The following DCAF8 variants were observed in gnomAD, a reference collection of about 807,000 sequenced individuals.
DCAF8 encodes DDB1 and CUL4 associated factor 8, also known as DDB1- and CUL4-associated factor 8.
DCAF8 carries 20 observed loss-of-function variants against 68.0 expected under a neutral mutation model. The ratio of observed to expected loss-of-function variants is 0.29; its 90% CI spans 0.21 to 0.43. The LOEUF (loss-of-function observed/expected upper bound fraction) is 0.43. Ranked by LOEUF, DCAF8 falls within the 20% of genes least tolerant of loss-of-function variation. The pLI, the probability that DCAF8 is intolerant of heterozygous loss-of-function variation, is 1.00. For synonymous variants in DCAF8, 230 were observed against 276.9 expected (o/e 0.83, Z 1.68); for missense variants, 460 against 771.0 (o/e 0.60, Z 4.78).
chr1:160,224,649 C>G, intron 9 of DCAF8, 100 bp from the exon 10 acceptor site: 1 of 849,968 alleles, frequency 1.2e-6, no homozygotes, highest in East Asian at 2.5e-5. Flanking sequence ...AGTGCCCCCT[C>G]CAAATACCCA....
intron 7 of DCAF8, among the ~76,000 whole-genome samples, chr1:160,226,739 T>C (rs928266544): frequency 1.3e-5 from 2 of 152,226 alleles, no homozygotes; most frequent in Non-Finnish European, 2.9e-5. Flanking sequence ...ACAATCAACA[T>C]TCAATATTTC....
intron 2 of DCAF8, among the ~76,000 whole-genome samples, chr1:160,250,494 A>C (rs1413650872): frequency 6.7e-6 from 1 of 149,792 alleles, no homozygotes; most frequent in African/African-American, 2.4e-5. Flanking sequence ...AAACAGGATG[A>C]GAGAAGAGTG....
chr1:160,219,432 A>C (rs1655228013), intron 11 of DCAF8: 1 of 154,316 alleles, frequency 6.5e-6, no homozygotes, highest in Non-Finnish European at 1.4e-5. Flanking sequence ...GAAGAGTCGG[A>C]GAACTATATT....
Position 160,256,270 on chromosome 1 carries a change from C to A in DCAF8, c.-27+5015G>T, listed in dbSNP as rs1571116123. ...TTACATTTACATCAGAAGTCTGTTG[C>A]CATTAACAGTTTTTGCCATTTATAT... On this transcript the variant is annotated intron_variant, in intron 2 of 13. Coordinates refer to ENST00000368074, the MANE Select transcript of DCAF8 (RefSeq NM_015726.4). Among the ~76,000 whole-genome samples the A allele has an allele frequency of 2.0e-5, 3 of 152,080 alleles. No individual in the cohort carries two copies. The East Asian group carries it at 5.8e-4, about 29-fold the overall frequency.
chr1:160,228,399 G>A (rs1044711988), intron 7 of DCAF8, among the ~76,000 whole-genome samples: 13 of 152,172 alleles, frequency 8.5e-5, no homozygotes, highest in Admixed American at 3.9e-4. Context: ...GGGGAATGAA[G>A]AGATGATTTA....
chr1:160,218,948 G>A lies in DCAF8; in HGVS notation c.1461C>T (p.His487=), dbSNP rs1158467329. 4 of 1,614,114 alleles carry A rather than the reference G, an allele frequency of 2.5e-6. No homozygotes were observed. The African/African-American group carries it at 5.3e-5, about 22-fold the overall frequency. ...TGGTTGCCAGCACAGGCAGGTGAGGGTGGGGCTCAAGACAGTTTACCTGGT... is the reference window on the plus strand; with the variant it reads ...TGGTTGCCAGCACAGGCAGGTGAGGATGGGGCTCAAGACAGTTTACCTGGT... The part of the protein sequence containing the change: ...KGGVVNCLEP[H]PHLPVLATSG... The change falls in exon 12 of 14, where the codon CAC becomes CAT. Residue 487 remains histidine, a synonymous_variant. Transcript: ENST00000368074.
chr1:160,217,755 G>T, intron 13 of DCAF8, 47 bp from the exon 14 acceptor site: 1 of 1,494,316 alleles, frequency 6.7e-7, no homozygotes, highest in Non-Finnish European at 9.3e-7. Context: ...ATGGAACAAG[G>T]ACAAGCCTGT....
rs1657148612 is a variant in DCAF8 at position 160,262,486 on chromosome 1, C to T, written c.-138G>A. On this transcript the variant is annotated 5_prime_UTR_variant, in exon 1 of 14. Coordinates refer to ENST00000368074, the MANE Select transcript of DCAF8 (RefSeq NM_015726.4). ...CCGCCACCACCACCGCCTCCGCTCT[C>T]TGCGCTTGCGCCTGCGCTGCCACGC... 2.5e-6 allele frequency: 1 copy of T among 400,532 alleles called. No individual in the cohort carries two copies. The allele number at this position is 400,532 out of a possible 1,614,324, so 24.8% of individuals were successfully genotyped here.
At chr1:160,232,305 A>C (rs745596263) in intron 6 of DCAF8, among the ~76,000 whole-genome samples, 2 of 151,972 alleles carry the variant, frequency 1.3e-5, no homozygotes, top group Non-Finnish European at 2.9e-5. Context: ...CTAGGAGCTC[A>C]AGATCACCCT....
intron 6 of DCAF8, among the ~76,000 whole-genome samples, chr1:160,234,052 G>C (rs1655784439): frequency 6.6e-6 from 1 of 152,066 alleles, no homozygotes; most frequent in South Asian, 2.1e-4. Context: ...CTGGCTAAAG[G>C]AATATTCCAT....
chr1:160,236,246 C>T (rs972838150), intron 6 of DCAF8, among the ~76,000 whole-genome samples: 1 of 146,768 alleles, frequency 6.8e-6, no homozygotes, highest in Non-Finnish European at 1.5e-5. Context: ...AAACATTATG[C>T]TGAGGCATCA....
intron 2 of DCAF8, among the ~76,000 whole-genome samples, chr1:160,255,423 CA>C (rs1656798176): frequency 6.6e-6 from 1 of 152,144 alleles, no homozygotes; most frequent in African/African-American, 2.4e-5. Flanking sequence ...TATGTACCAC[CA>C]CACCTGGCCT....
At chr1:160,258,748 T>G (rs1656941356) in intron 2 of DCAF8, among the ~76,000 whole-genome samples, 1 of 45,078 alleles carries the variant, frequency 2.2e-5, no homozygotes, top group Non-Finnish European at 4.1e-5. Flanking sequence ...AGACCCTATC[T>G]CTACAAAAAT....
chr1:160,218,451 A>C lies in DCAF8; in HGVS notation c.1561-11T>G, dbSNP rs752937031. 1 of 1,610,558 alleles carries C rather than the reference A, an allele frequency of 6.2e-7. No homozygotes were observed. The highest frequency in any genetic ancestry group is 1.7e-5 in the Admixed American group (1 of 59,986). On this transcript the variant is annotated splice_polypyrimidine_tract_variant and intron_variant, in intron 12 of 13. Coordinates refer to ENST00000368074, the MANE Select transcript of DCAF8 (RefSeq NM_015726.4). ...GTTCTTCTTAATCACCTGGAACCCA[A>C]AAAGGTTGGGAAGAGGGGGCAGCAA...
chr1:160,230,228 T>C (rs965625307), intron 7 of DCAF8, among the ~76,000 whole-genome samples: 1 of 152,180 alleles, frequency 6.6e-6, no homozygotes, highest in Non-Finnish European at 1.5e-5. Context: ...AATATAGCTA[T>C]AAAATGTGCT....
At position 160,238,626 on chromosome 1, in the gene DCAF8, T is replaced by A. The variant is rs1481515395; in HGVS notation, c.845A>T (p.His282Leu). 6.2e-7 allele frequency: 1 copy of A among 1,611,082 alleles called. No individual in the cohort carries two copies. Among genetic ancestry groups the A allele is most frequent in the Non-Finnish European group, 8.5e-7 (1 of 1,178,962 alleles). The part of the protein sequence containing the change: ...CCKNTKRVAQ[H>L]KGASHKLALE... ...ACTTACCTTGTGGGACGCTCCCTTG[T>A]GCTGGGCCACACGTTTTGTATTCTT... Residue 282 changes from histidine (H) to leucine (L), a missense_variant, in exon 5 of 14, where the codon CAC becomes CTC. Physicochemically the swap from His to Leu is moderately conservative, Grantham distance 99 (BLOSUM62 -3). Coordinates refer to ENST00000368074, the MANE Select transcript of DCAF8 (RefSeq NM_015726.4).
At chr1:160,230,992 T>C (rs1435188332) in intron 7 of DCAF8, among the ~76,000 whole-genome samples, 1 of 151,628 alleles carries the variant, frequency 6.6e-6, no homozygotes, top group African/African-American at 2.4e-5. Flanking sequence ...TGTCCTTAGG[T>C]GATCCACCCG....
At position 160,240,125 on chromosome 1, in the gene DCAF8, A is replaced by G. The variant is rs1315214708; in HGVS notation, c.295T>C (p.Ser99Pro). Residue 99 changes from serine to proline, a missense_variant, in exon 4 of 14, where the codon TCA becomes CCA. Coordinates refer to ENST00000368074, the MANE Select transcript of DCAF8 (RefSeq NM_015726.4). ...TCTTCCTCCTCTTCCTCTTCCTCTGAGCGGTCATGGACTCGATTTTCATCA... is the reference window on the plus strand; with the variant it reads ...TCTTCCTCCTCTTCCTCTTCCTCTGGGCGGTCATGGACTCGATTTTCATCA... ...INDENRVHDR[S>P]EEEEEEEEEE... The G allele has an allele frequency of 2.4e-5, 39 of 1,613,662 alleles. No individual in the cohort carries two copies. The Admixed American group carries it at 6.5e-4, about 27-fold the overall frequency.
chr1:160,226,442 T>G (rs1053990962), intron 7 of DCAF8, among the ~76,000 whole-genome samples: 5 of 152,172 alleles, frequency 3.3e-5, no homozygotes, highest in Admixed American at 3.3e-4. Context: ...TTTAAACTCA[T>G]GAGGACACAC....
Sources: gnomAD v4.1 joint callset for allele counts (sites outside exome capture counted in the v4.1 genomes callset) on GRCh38, gnomAD v4.1.1 for gene constraint, MANE v1.5 for transcripts, NCBI Gene and HGNC (gene_info 2026-07-23, HGNC 2026-07-21) for gene names.